The following SLC9A1 variants were observed in gnomAD, a reference collection of about 807,000 sequenced individuals.
SLC9A1 encodes the protein solute carrier family 9 member A1.
A neutral mutation model predicts 67.9 loss-of-function variants in SLC9A1; 22 were observed. That is an observed-to-expected ratio of 0.32 (90% CI 0.23 to 0.46). SLC9A1 has a LOEUF of 0.46. Ranked by LOEUF, SLC9A1 falls within the 20% of genes least tolerant of loss-of-function variation. The probability of loss-of-function intolerance (pLI) is 1.00; values close to 1 mark genes in which losing one functional copy is unlikely to be tolerated. For synonymous variants in SLC9A1, 421 were observed against 471.8 expected (o/e 0.89, Z 1.40); for missense variants, 686 against 1,094.8 (o/e 0.63, Z 5.27).
rs374377976 is a variant in SLC9A1 at position 27,137,972 on chromosome 1, C to T, written c.352+16011G>A. ...CAGTGGTGCCTGTCGGGAAGCTTTA[C>T]TCTGTTGCCCTCATAGACCCAGCTT... On this transcript the variant is annotated intron_variant, in intron 1 of 11. Transcript: ENST00000263980. The surrounding 1 kb of genome is among the most constrained non-coding windows in gnomAD (Gnocchi z 4.6). Among the ~76,000 whole-genome samples, 210 of 152,370 alleles carry T rather than the reference C, an allele frequency of 1.4e-3. No homozygotes were observed. Among genetic ancestry groups the T allele is most frequent in the African/African-American group, 4.4e-3 (182 of 41,598 alleles).
chr1:27,119,042 AACACACACAC>A (rs35231148), intron 1 of SLC9A1, among the ~76,000 whole-genome samples: 3,272 of 139,428 alleles, frequency 0.023, 118 homozygotes, highest in African/African-American at 0.08. Flanking sequence ...AGCTGGAACG[AACACACACAC>A]ACACACACAC....
rs754926990 is a variant in SLC9A1 at position 27,109,760 on chromosome 1, A to G, written c.831T>C (p.Phe277=). The change falls in exon 3 of 12, where the codon TTT becomes TTC. Residue 277 remains phenylalanine (F), a synonymous_variant. Coordinates refer to ENST00000263980, the MANE Select transcript of SLC9A1 (RefSeq NM_003047.5). The surrounding 1 kb of genome is among the most constrained non-coding windows in gnomAD (Gnocchi z 5.5). The stretch of plus-strand genomic sequence containing the variant: ...CGTGTTCGTAGTTGGCAAACTCCTC[A>G]AAGAGGTGATACAGGACCTGGGGAG... ...DAVTVVLYHL[F]EEFANYEHVG... is the part of the protein sequence containing the mutation. 3 of 1,613,872 alleles carry G rather than the reference A, an allele frequency of 1.9e-6. No homozygotes were observed. The highest frequency in any genetic ancestry group is 3.3e-5 in the Admixed American group (2 of 60,006).
chr1:27,128,916 C>T (rs867767262), intron 1 of SLC9A1, among the ~76,000 whole-genome samples: 7 of 152,104 alleles, frequency 4.6e-5, no homozygotes, highest in African/African-American at 1.2e-4. Context: ...GAGATCCTCA[C>T]GCCATTGCAC....
In SLC9A1 at chr1:27,102,199, G is replaced by A. The variant is rs1295682501; in HGVS notation, c.1821-69C>T. 19 of 1,449,484 alleles carry A rather than the reference G, an allele frequency of 1.3e-5. No homozygotes were observed. In the East Asian group the frequency reaches 3.9e-4, roughly 29 times the overall value. The allele number at this position is 1,449,484 out of a possible 1,614,324, so 89.8% of individuals were successfully genotyped here. A position where few individuals can be genotyped will look rare whatever the true frequency, so the allele number is the denominator to read the frequency against. On this transcript the variant is annotated intron_variant, in intron 8 of 11. Transcript: ENST00000263980. ...TCCTGGTGCCTCCCAGGTTTGGCCAGAAGGAAGTCACCCTAGGGATGACCC... is the reference window on the plus strand; with the variant it reads ...TCCTGGTGCCTCCCAGGTTTGGCCAAAAGGAAGTCACCCTAGGGATGACCC...
At chr1:27,136,998 C>A (rs1185777036) in intron 1 of SLC9A1, among the ~76,000 whole-genome samples, 2 of 152,242 alleles carry the variant, frequency 1.3e-5, no homozygotes, top group African/African-American at 4.8e-5. Flanking sequence ...GGCCTCGTTG[C>A]CATTCCATTG....
At chr1:27,123,408 T>C (rs2083318417) in intron 1 of SLC9A1, among the ~76,000 whole-genome samples, 1 of 152,206 alleles carries the variant, frequency 6.6e-6, no homozygotes, top group African/African-American at 2.4e-5. Context: ...ACTGCTTCTA[T>C]GGGGCAGAGA....
intron 1 of SLC9A1, among the ~76,000 whole-genome samples, chr1:27,122,881 C>G (rs1336362919): frequency 5.9e-5 from 9 of 152,088 alleles, no homozygotes; most frequent in Admixed American, 5.9e-4. Flanking sequence ...GGACTGGGAC[C>G]GGCAGTAAAG....
chr1:27,127,002 G>A lies in SLC9A1; in HGVS notation c.353-12716C>T, dbSNP rs538791287. Among the ~76,000 whole-genome samples the A allele has an allele frequency of 4.6e-5, 7 of 152,026 alleles. No homozygotes were observed. The South Asian group carries it at 6.2e-4, about 14-fold the overall frequency. On this transcript the variant is annotated intron_variant, in intron 1 of 11. Coordinates refer to ENST00000263980, the MANE Select transcript of SLC9A1 (RefSeq NM_003047.5). ...TACAGGTAGAAGATTTATTTTTTGC[G>A]GGGGGAGGGGGCAGGGAAAACAGAG...
Position 27,114,296 on chromosome 1 carries a change from G to A in SLC9A1, c.353-10C>T. 15 of 1,599,218 alleles carry A rather than the reference G, an allele frequency of 9.4e-6. No individual in the cohort carries two copies. Among genetic ancestry groups the A allele is most frequent in the Non-Finnish European group, 1.3e-5 (15 of 1,168,964 alleles). The stretch of plus-strand genomic sequence containing the variant: ...GGGATCACATGGAAACCTGCGGAGG[G>A]CGAGAGAACGGGAGGCCATGGGCTT... On this transcript the variant is annotated splice_polypyrimidine_tract_variant and intron_variant, in intron 1 of 11. Transcript: ENST00000263980. The surrounding 1 kb of genome is among the most constrained non-coding windows in gnomAD (Gnocchi z 5.4).
chr1:27,138,726 C>T (rs2083435440), intron 1 of SLC9A1, among the ~76,000 whole-genome samples: 1 of 152,108 alleles, frequency 6.6e-6, no homozygotes, highest in South Asian at 2.1e-4. Context: ...GTTAGGGACA[C>T]AGGAAGGCCG....
rs964589026 is a variant in SLC9A1, at chr1:27,137,391, A to G, written c.352+16592T>C. ...CGCCCTGGCCTCTGCTTCCTCTGTG[A>G]GCTGAGGGGGATGGGCCGGGCTCTG... is the stretch of plus-strand genomic sequence containing the variant. On this transcript the variant is annotated intron_variant, in intron 1 of 11. Coordinates refer to ENST00000263980, the MANE Select transcript of SLC9A1 (RefSeq NM_003047.5). The surrounding 1 kb of genome is among the most constrained non-coding windows in gnomAD (Gnocchi z 4.6). Among the ~76,000 whole-genome samples the G allele has an allele frequency of 6.6e-6, 1 of 152,140 alleles. No individual in the cohort carries two copies. Among genetic ancestry groups the G allele is most frequent in the Non-Finnish European group, 1.5e-5 (1 of 68,016 alleles).
intron 2 of SLC9A1, among the ~76,000 whole-genome samples, chr1:27,112,431 G>T (rs1056873774): frequency 6.6e-6 from 1 of 152,224 alleles, no homozygotes; most frequent in Admixed American, 6.5e-5. Context: ...AGCTCAGGAG[G>T]GGGTGGGAGT....
At chr1:27,107,886 G>C (rs763604505) in intron 3 of SLC9A1, 21 bp from the exon 4 acceptor site, 3 of 1,554,664 alleles carry the variant, frequency 1.9e-6, no homozygotes, top group Non-Finnish European at 2.6e-6. Flanking sequence ...AAAGAGCGGG[G>C]TCAGGGCTCC....
chr1:27,101,668 G>T lies in SLC9A1; in HGVS notation c.2037+57C>A. The T allele has an allele frequency of 8.1e-7, 1 of 1,237,714 alleles. No individual in the cohort carries two copies. The highest frequency in any genetic ancestry group is 1.2e-6 in the Non-Finnish European group (1 of 853,140). 76.7% of individuals were successfully genotyped at this position (1,237,714 alleles called of 1,614,324 possible). On this transcript the variant is annotated intron_variant, in intron 10 of 11. Transcript: ENST00000263980. The surrounding 1 kb of genome is among the most constrained non-coding windows in gnomAD (Gnocchi z 4.9). ...ATGGGTACATTTCCTTAGAGGCTGT[G>T]GCGGAGCTTGGGCGAGTGGGGTGGG... is the stretch of plus-strand genomic sequence containing the variant.
At chr1:27,104,778 T>A (rs550617979) in intron 5 of SLC9A1, among the ~76,000 whole-genome samples, 1 of 152,266 alleles carries the variant, frequency 6.6e-6, no homozygotes, top group South Asian at 2.1e-4. Flanking sequence ...GTATCCCATC[T>A]AGGGCTTTTT....
chr1:27,127,167 G>GT (rs2083350996), intron 1 of SLC9A1, among the ~76,000 whole-genome samples: 1 of 152,050 alleles, frequency 6.6e-6, no homozygotes, highest in African/African-American at 2.4e-5. Context: ...TGCCTAGCTA[G>GT]TTTTTGTATT....
chr1:27,112,255 G>A (rs145531464), intron 2 of SLC9A1, among the ~76,000 whole-genome samples: 145 of 152,300 alleles, frequency 9.5e-4, no homozygotes, highest in African/African-American at 3.2e-3. Context: ...ATGAGGAGGC[G>A]TGGGAGGAAC....
rs2124125102 is a variant in SLC9A1, at chr1:27,100,808, T to C, written c.2111-164A>G. ...CCTCTGCGACCTTCCACCCCACAGC[T>C]TCTCTTCCTCAGACTGTGGCCCTCT... On this transcript the variant is annotated intron_variant, in intron 11 of 11. Transcript: ENST00000263980. This position sits in a 1 kb window ranked among gnomAD's most constrained non-coding sequence, Gnocchi z 5.6. Among the ~76,000 whole-genome samples the C allele has an allele frequency of 6.6e-6, 1 of 152,342 alleles. No individual in the cohort carries two copies. Among genetic ancestry groups the C allele is most frequent in the East Asian group, 1.9e-4 (1 of 5,188 alleles).
intron 1 of SLC9A1, among the ~76,000 whole-genome samples, chr1:27,126,914 C>T (rs982494275): frequency 1.3e-5 from 2 of 152,096 alleles, no homozygotes; most frequent in African/African-American, 4.8e-5. Flanking sequence ...GAGTTAGGCA[C>T]CAAGAAGGCC....
Sources: gnomAD v4.1 joint callset for allele counts (sites outside exome capture counted in the v4.1 genomes callset) on GRCh38, gnomAD v4.1.1 for gene constraint, Gnocchi (gnomAD v3.1) non-coding constraint, MANE v1.5 for transcripts, NCBI Gene and HGNC (gene_info 2026-07-23, HGNC 2026-07-21) for gene names.